The following PXDNL variants were observed in gnomAD, a reference collection of about 807,000 sequenced individuals.
The protein encoded by PXDNL is peroxidasin like.
A neutral mutation model predicts 150.8 loss-of-function variants in PXDNL; 145 were observed. The observed-to-expected ratio is 0.96, with a 90% CI of 0.84 to 1.10. PXDNL has a LOEUF of 1.10. Ranked by LOEUF, PXDNL falls within the 50% of genes least tolerant of loss-of-function variation. The pLI is 0.00. For synonymous variants in PXDNL, 757 were observed against 725.7 expected, an observed-to-expected ratio of 1.04 and a Z score of -0.69; for missense variants, 2,087 against 1,873.9, an observed-to-expected ratio of 1.11 and a Z score of -2.10.
intron 1 of PXDNL, among the ~76,000 whole-genome samples, chr8:51,768,868 G>A (rs1453795250): frequency 6.6e-6 from 1 of 152,182 alleles, no homozygotes; most frequent in Non-Finnish European, 1.5e-5. Context: ...GGCCAAGGTG[G>A]GCGGATCACG....
chr8:51,321,342 C>T (rs548597059), intron 21 of PXDNL, among the ~76,000 whole-genome samples: 1 of 152,318 alleles, frequency 6.6e-6, no homozygotes, highest in African/African-American at 2.4e-5. Flanking sequence ...ACCAGGGTCT[C>T]TCCAACTTTA....
In PXDNL at chr8:51,411,346, C is replaced by A. The variant is rs753518395; in HGVS notation, c.1966G>T (p.Val656Leu). 2.0e-5 allele frequency: 32 copies of A among 1,589,436 alleles called. No homozygotes were observed. Among genetic ancestry groups the A allele is most frequent in the Non-Finnish European group, 2.6e-5 (31 of 1,170,498 alleles). Residue 656 changes from valine to leucine, a missense_variant, in exon 16 of 23, where the codon GTG (valine) becomes TTG (leucine). Coordinates refer to ENST00000356297, the MANE Select transcript of PXDNL (RefSeq NM_144651.5). ...QFHYPRDPLI[V>L]EMARAGEIFE... is the part of the protein sequence containing the mutation. ...ATCTCCCCTGCTCTTGCCATTTCCA[C>A]AATCAGTGGGTCACGCGGGTAATGA...
intron 21 of PXDNL, among the ~76,000 whole-genome samples, chr8:51,330,349 A>C (rs1563360244): frequency 6.6e-6 from 1 of 151,910 alleles, no homozygotes; most frequent in Non-Finnish European, 1.5e-5. Context: ...AAAACTGAGA[A>C]TGGAAAACTA....
chr8:51,336,695 G>T (rs1222822762), intron 21 of PXDNL, among the ~76,000 whole-genome samples: 6 of 152,036 alleles, frequency 3.9e-5, no homozygotes, highest in African/African-American at 1.4e-4. Context: ...TTGATTTCTG[G>T]CTTTGGTCAA....
chr8:51,793,302 A>G (rs2037530503), intron 1 of PXDNL, among the ~76,000 whole-genome samples: 1 of 152,204 alleles, frequency 6.6e-6, no homozygotes, highest in African/African-American at 2.4e-5. Flanking sequence ...AGCATCAACA[A>G]AAAAGCCCCC....
intron 12 of PXDNL, chr8:51,435,704 A>G (rs1190522226): frequency 2.5e-5 from 7 of 281,612 alleles, no homozygotes; most frequent in Admixed American, 4.8e-5. Context: ...GCTGGGCACC[A>G]CCGCAGAGGA....
intron 3 of PXDNL, among the ~76,000 whole-genome samples, chr8:51,581,637 T>C (rs979355525): frequency 2.6e-5 from 4 of 152,170 alleles, no homozygotes; most frequent in African/African-American, 7.2e-5. Context: ...TTGAGTCAAA[T>C]TGAAACACCT....
rs1231903736 is a variant in PXDNL at position 51,392,415 on chromosome 8, T to C, written c.3557+15652A>G. On this transcript the variant is annotated intron_variant, in intron 17 of 22. Coordinates refer to ENST00000356297, the MANE Select transcript of PXDNL (RefSeq NM_144651.5). ...TTCTTTGTATCCTCTTTTATTTCATTGAGCAGTGGTTTATAGTTCTCCTTG... is the reference window on the plus strand; with the variant it reads ...TTCTTTGTATCCTCTTTTATTTCATCGAGCAGTGGTTTATAGTTCTCCTTG... Among the ~76,000 whole-genome samples, 9 of 152,328 alleles carry C rather than the reference T, an allele frequency of 5.9e-5. No homozygotes were observed. The South Asian group carries it at 1.4e-3, about 25-fold the overall frequency.
At chr8:51,492,970 G>A (rs1476336578) in intron 5 of PXDNL, among the ~76,000 whole-genome samples, 7 of 152,168 alleles carry the variant, frequency 4.6e-5, no homozygotes, top group African/African-American at 7.2e-5. Flanking sequence ...ACCTGAGAAT[G>A]GACAAACTGC....
At chr8:51,425,465 A>G (rs1425428544) in intron 13 of PXDNL, among the ~76,000 whole-genome samples, 1 of 152,188 alleles carries the variant, frequency 6.6e-6, no homozygotes, top group Non-Finnish European at 1.5e-5. Context: ...CCCAAAATGT[A>G]TATTTTTCAC....
intron 19 of PXDNL, among the ~76,000 whole-genome samples, chr8:51,364,284 A>G (rs116278287): frequency 6.6e-6 from 1 of 152,212 alleles, no homozygotes; most frequent in African/African-American, 2.4e-5. Context: ...ACATTGTAGC[A>G]AAACTTTGAG....
intron 22 of PXDNL, 95 bp from the exon 23 acceptor site, chr8:51,320,117 G>A (rs1805273733): frequency 9.4e-7 from 1 of 1,065,458 alleles, no homozygotes. Context: ...AATCTAATAA[G>A]CTGACTGTCT....
chr8:51,673,140 A>G (rs1216423688), intron 1 of PXDNL, among the ~76,000 whole-genome samples: 1 of 152,230 alleles, frequency 6.6e-6, no homozygotes, highest in African/African-American at 2.4e-5. Context: ...TAACTGAACT[A>G]AGTGACCAAC....
chr8:51,422,784 G>C (rs1250919726), intron 14 of PXDNL, among the ~76,000 whole-genome samples: 1 of 152,126 alleles, frequency 6.6e-6, no homozygotes, highest in African/African-American at 2.4e-5. Context: ...ACACTAATGT[G>C]AACTCCCACA....
intron 1 of PXDNL, among the ~76,000 whole-genome samples, chr8:51,719,230 A>G (rs1056879599): frequency 5.9e-5 from 9 of 152,216 alleles, no homozygotes; most frequent in African/African-American, 2.2e-4. Context: ...AGATAGAGAA[A>G]TCAGATTGTT....
chr8:51,477,074 T>C (rs1810495942), intron 6 of PXDNL, among the ~76,000 whole-genome samples: 1 of 152,226 alleles, frequency 6.6e-6, no homozygotes, highest in Admixed American at 6.5e-5. Flanking sequence ...AAAGAAATTG[T>C]GCTATTCTCT....
intron 6 of PXDNL, among the ~76,000 whole-genome samples, chr8:51,478,530 T>G (rs1810530784): frequency 6.6e-6 from 1 of 152,182 alleles, no homozygotes; most frequent in Non-Finnish European, 1.5e-5. Flanking sequence ...CAAAAACATT[T>G]TATTGATTTT....
intron 17 of PXDNL, among the ~76,000 whole-genome samples, chr8:51,396,476 G>C (rs1467888812): frequency 6.6e-6 from 1 of 152,234 alleles, no homozygotes. Context: ...AAATAAACAG[G>C]CTGGGTGCAG....
At chr8:51,795,149 C>T (rs1357557886) in intron 1 of PXDNL, among the ~76,000 whole-genome samples, 4 of 152,090 alleles carry the variant, frequency 2.6e-5, no homozygotes, top group African/African-American at 9.7e-5. Context: ...ATAAAAAAAG[C>T]TCTTAGAGAC....
Sources: gnomAD v4.1 joint callset for allele counts (sites outside exome capture counted in the v4.1 genomes callset) on GRCh38, gnomAD v4.1.1 for gene constraint, MANE v1.5 for transcripts, NCBI Gene and HGNC (gene_info 2026-07-23, HGNC 2026-07-21) for gene names.